Variants in CA10 observed in about 807,000 individuals in gnomAD.
CA10 encodes the protein carbonic anhydrase-related protein 10.
Under a neutral mutation model 44.2 loss-of-function variants are expected in CA10, and 14 were observed. The ratio of observed to expected loss-of-function variants is 0.32; its 90% CI spans 0.21 to 0.50. CA10 has a LOEUF of 0.50. CA10 is among the 20% of genes least tolerant of loss of function. The probability of loss-of-function intolerance (pLI) is 0.99; values close to 1 mark genes in which losing one functional copy is unlikely to be tolerated. For missense variants in CA10, 350 were observed against 409.7 expected (o/e 0.85, Z 1.26); for synonymous variants, 159 against 141.6 (o/e 1.12, Z -0.87).
chr17:51,688,579 A>G (rs953248693), intron 4 of CA10, among the ~76,000 whole-genome samples: 1 of 152,176 alleles, frequency 6.6e-6, no homozygotes, highest in African/African-American at 2.4e-5. Flanking sequence ...TGGAACTAAT[A>G]TTATTGAATG....
intron 1 of CA10, among the ~76,000 whole-genome samples, chr17:52,115,568 G>A (rs1988875528): frequency 6.6e-6 from 1 of 152,228 alleles, no homozygotes; most frequent in African/African-American, 2.4e-5. Context: ...TGTAATGGCA[G>A]CTATCTTTTC....
intron 3 of CA10, among the ~76,000 whole-genome samples, chr17:51,836,616 A>G (rs1444982223): frequency 2.0e-5 from 3 of 152,220 alleles, no homozygotes; most frequent in Non-Finnish European, 4.4e-5. Context: ...GAGAAGAAAA[A>G]GACATGGGTT....
At chr17:51,680,371 T>G (rs1292206723) in intron 4 of CA10, among the ~76,000 whole-genome samples, 1 of 152,182 alleles carries the variant, frequency 6.6e-6, no homozygotes, top group Non-Finnish European at 1.5e-5. Context: ...CCAGCTTCCT[T>G]CTGAATGGGA....
At position 51,645,553 on chromosome 17, in the gene CA10, C is replaced by A. The variant is rs1425535910; in HGVS notation, c.634+3629G>T. 2.0e-5 allele frequency among the ~76,000 whole-genome samples: 3 copies of A among 152,158 alleles called. No homozygotes were observed. In the East Asian group the frequency reaches 5.8e-4, roughly 29 times the overall value. On this transcript the variant is annotated intron_variant, in intron 6 of 8. Transcript: ENST00000451037. ...ATCAGTTCTGTGGTTAGTATATGTC[C>A]CTTTCAAGTGGAGGCACATGCAAAT...
chr17:52,126,455 C>T (rs2143333970), intron 1 of CA10, among the ~76,000 whole-genome samples: 1 of 152,244 alleles, frequency 6.6e-6, no homozygotes, highest in East Asian at 1.9e-4. Flanking sequence ...CTGACAGCCT[C>T]GGTCTTCATC....
rs976039034 is a variant in CA10, at chr17:51,816,422, G to T, written c.280-68604C>A. ...AATATACTGACTTCCTTTCTTTTGG[G>T]TATATACCCAGCAGTGGGATTGCTG... On this transcript the variant is annotated intron_variant, in intron 3 of 8. Transcript: ENST00000451037. Among the ~76,000 whole-genome samples the T allele has an allele frequency of 3.5e-4, 54 of 152,272 alleles. 1 individual carries two copies. The highest frequency in any genetic ancestry group is 3.4e-3 in the Middle Eastern group (1 of 294).
chr17:52,095,289 A>G (rs577056533), intron 1 of CA10, among the ~76,000 whole-genome samples: 21 of 152,264 alleles, frequency 1.4e-4, no homozygotes, highest in South Asian at 1.0e-3. Context: ...AAAGGTCAGA[A>G]TATTTTTTTC....
chr17:52,100,118 G>A (rs909029307), intron 1 of CA10, among the ~76,000 whole-genome samples: 1 of 152,312 alleles, frequency 6.6e-6, no homozygotes, highest in South Asian at 2.1e-4. Context: ...TTTTTAATAG[G>A]AGAACCAAGA....
At chr17:52,103,461 C>T (rs182330965) in intron 1 of CA10, among the ~76,000 whole-genome samples, 1 of 152,244 alleles carries the variant, frequency 6.6e-6, no homozygotes, top group East Asian at 1.9e-4. Flanking sequence ...ATTCTTGCTC[C>T]CCCACAGGGA....
At chr17:51,875,689 G>T (rs1053244734) in intron 3 of CA10, among the ~76,000 whole-genome samples, 49 of 141,066 alleles carry the variant, frequency 3.5e-4, no homozygotes, top group East Asian at 3.1e-3. Flanking sequence ...TTTATTTTTT[G>T]GGGGGGGTAT....
intron 3 of CA10, among the ~76,000 whole-genome samples, chr17:51,901,539 G>A (rs1598108396): frequency 6.6e-6 from 1 of 152,106 alleles, no homozygotes; most frequent in African/African-American, 2.4e-5. Flanking sequence ...GCTAAAGAAA[G>A]GTACCAGTGG....
intron 3 of CA10, among the ~76,000 whole-genome samples, chr17:51,780,738 G>A (rs928910737): frequency 3.9e-5 from 6 of 152,186 alleles, no homozygotes; most frequent in Admixed American, 2.6e-4. Flanking sequence ...TGAGTCAAAA[G>A]TCAAATCTTA....
chr17:52,128,074 A>G (rs571130182), intron 1 of CA10, among the ~76,000 whole-genome samples: 1 of 152,348 alleles, frequency 6.6e-6, no homozygotes, highest in East Asian at 1.9e-4. Flanking sequence ...CTATTAAGAC[A>G]TAGAGCAGAA....
chr17:51,923,188 C>T (rs975354593), intron 3 of CA10, among the ~76,000 whole-genome samples: 10 of 152,148 alleles, frequency 6.6e-5, no homozygotes, highest in Admixed American at 2.6e-4. Context: ...GAAAATTTAA[C>T]ATCAGTTATC....
At chr17:51,929,148 T>C (rs1598122902) in intron 3 of CA10, among the ~76,000 whole-genome samples, 1 of 152,158 alleles carries the variant, frequency 6.6e-6, no homozygotes, top group African/African-American at 2.4e-5. Context: ...AGTCATAACA[T>C]GTGAGTGATT....
At chr17:51,956,504 C>G (rs764055562) in intron 2 of CA10, among the ~76,000 whole-genome samples, 3 of 152,078 alleles carry the variant, frequency 2.0e-5, no homozygotes, top group Admixed American at 1.3e-4. Flanking sequence ...TGTGGATACA[C>G]AAAAATAATT....
rs373477818 is a variant in CA10, at chr17:51,854,952, A to T, written c.279+76038T>A. Among the ~76,000 whole-genome samples, 178 of 152,272 alleles carry T rather than the reference A, an allele frequency of 1.2e-3. 2 individuals carry two copies. The South Asian group carries it at 0.035, about 30-fold the overall frequency. ...GAGGAGAAAATGGAGGCACAGGGAGATTGAGTAACTGGCTCCAGGTAACTC... is the reference window on the plus strand; with the variant it reads ...GAGGAGAAAATGGAGGCACAGGGAGTTTGAGTAACTGGCTCCAGGTAACTC... On this transcript the variant is annotated intron_variant, in intron 3 of 8. Coordinates refer to ENST00000451037, the MANE Select transcript of CA10 (RefSeq NM_020178.5).
In CA10 at chr17:51,765,454, T is replaced by C. The variant is rs118015550; in HGVS notation, c.280-17636A>G. Among the ~76,000 whole-genome samples the C allele has an allele frequency of 2.4e-3, 368 of 152,306 alleles. 4 individuals carry two copies. The East Asian group carries it at 0.025, about 10-fold the overall frequency. ...AATAGAGAGAACTGCAGGGTCACCG[T>C]CTTCCCAAGATAATTATGGGCCAGA... On this transcript the variant is annotated intron_variant, in intron 3 of 8. Coordinates refer to ENST00000451037, the MANE Select transcript of CA10 (RefSeq NM_020178.5).
At chr17:52,144,128 T>C (rs1332115247) in intron 1 of CA10, among the ~76,000 whole-genome samples, 1 of 151,502 alleles carries the variant, frequency 6.6e-6, no homozygotes. Flanking sequence ...AAAACATGGG[T>C]AAGGTTACCA....
Sources: allele counts gnomAD v4.1 joint callset (sites outside exome capture counted in the v4.1 genomes callset), GRCh38; gene constraint gnomAD v4.1.1; transcripts MANE v1.5; gene names NCBI Gene and HGNC (gene_info 2026-07-23, HGNC 2026-07-21).